The following WDR36 variants were observed in gnomAD, a reference collection of about 807,000 sequenced individuals.
The protein encoded by WDR36 is WD repeat domain 36.
WDR36 carries 63 observed loss-of-function variants against 112.7 expected under a neutral mutation model. That is an observed-to-expected ratio of 0.56 (90% CI 0.46 to 0.69). The LOEUF (loss-of-function observed/expected upper bound fraction) is 0.69. Among genes scored for constraint, WDR36 ranks in the 30% least tolerant of loss-of-function variants. The pLI is 0.00. For missense variants in WDR36, 1,226 were observed against 1,070.3 expected (o/e 1.15, Z -2.03); for synonymous variants, 410 against 362.2 (o/e 1.13, Z -1.50).
At position 111,098,609 on chromosome 5, in the gene WDR36, G is replaced by A. The variant is rs13153937; in HGVS notation, c.292-113G>A. ...TAACCTTGAATAATCAAAAGTTGGG[G>A]TACATTTCTTAACAGAAGCATCTCA... On this transcript the variant is annotated intron_variant, in intron 3 of 22. Coordinates refer to ENST00000513710, the MANE Select transcript of WDR36 (RefSeq NM_139281.3). The A allele has an allele frequency of 0.32, 247,840 of 765,734 alleles. 43,451 individuals carry two copies. The highest frequency in any genetic ancestry group is 0.5 in the Admixed American group (25,516 of 51,354). 47.4% of individuals were successfully genotyped at this position (765,734 alleles called of 1,614,324 possible).
intron 16 of WDR36, among the ~76,000 whole-genome samples, chr5:111,113,506 T>C (rs949569015): frequency 6.6e-6 from 1 of 152,124 alleles, no homozygotes; most frequent in African/African-American, 2.4e-5. Context: ...TTTTAGTTCA[T>C]GCTGAATTTA....
intron 12 of WDR36, among the ~76,000 whole-genome samples, chr5:111,109,972 A>T (rs1753293853): frequency 6.6e-6 from 1 of 151,472 alleles, no homozygotes; most frequent in African/African-American, 2.4e-5. Context: ...CTTAGATAGT[A>T]ATTCTTCATA....
chr5:111,104,908 T>C, intron 9 of WDR36, 91 bp downstream of exon 9: 1 of 1,575,420 alleles, frequency 6.3e-7, no homozygotes, highest in African/African-American at 1.3e-5. Context: ...CATACTTAGA[T>C]TCACATATCT....
intron 7 of WDR36, 113 bp from the exon 8 acceptor site, chr5:111,104,064 T>C: frequency 7.3e-7 from 1 of 1,378,110 alleles, no homozygotes; most frequent in Non-Finnish European, 1.0e-6. Context: ...GAATAGATTA[T>C]TGGTATATAG....
At chr5:111,118,910 T>C (rs1241222043) in intron 16 of WDR36, 103 bp from the exon 17 acceptor site, 2 of 882,728 alleles carry the variant, frequency 2.3e-6, no homozygotes, top group Admixed American at 3.7e-5. Flanking sequence ...AGAAAACATT[T>C]TCTGCATCTC....
At chr5:111,094,563 A>T (rs1340800532) in intron 1 of WDR36, among the ~76,000 whole-genome samples, 1 of 152,230 alleles carries the variant, frequency 6.6e-6, no homozygotes, top group Non-Finnish European at 1.5e-5. Context: ...ATCTATAGAT[A>T]AAAGTTTAAT....
chr5:111,120,645 T>C (rs952589973), intron 18 of WDR36, 52 bp downstream of exon 18: 6 of 1,455,984 alleles, frequency 4.1e-6, no homozygotes, highest in Non-Finnish European at 4.8e-6. Flanking sequence ...ATAAACCTAA[T>C]GTAGGAGATA....
chr5:111,120,678 G>A, intron 18 of WDR36, 85 bp downstream of exon 18: 1 of 1,107,866 alleles, frequency 9.0e-7, no homozygotes, highest in Middle Eastern at 2.0e-4. Context: ...GCAAAGTTTA[G>A]TGCATTCAAT....
At chr5:111,111,444 T>C (rs1753338971) in intron 15 of WDR36, 166 bp downstream of exon 15, 1 of 622,758 alleles carries the variant, frequency 1.6e-6, no homozygotes, top group Non-Finnish European at 2.8e-6. Flanking sequence ...GTTTAATATT[T>C]TTCAGGGAGT....
At chr5:111,105,197 A>G in intron 9 of WDR36, 98 bp from the exon 10 acceptor site, 1 of 1,300,980 alleles carries the variant, frequency 7.7e-7, no homozygotes. Flanking sequence ...CCAAACTGTA[A>G]CTTCAAGATT....
chr5:111,098,121 G>A (rs566785996), intron 3 of WDR36, among the ~76,000 whole-genome samples: 14 of 152,218 alleles, frequency 9.2e-5, no homozygotes, highest in South Asian at 2.1e-4. Context: ...GTGGGGAGGC[G>A]TCAGACACTG....
At chr5:111,109,216 A>G (rs981185096) in intron 12 of WDR36, among the ~76,000 whole-genome samples, 28 of 151,524 alleles carry the variant, frequency 1.8e-4, no homozygotes, top group Middle Eastern at 3.4e-3. Flanking sequence ...TTGTATAACT[A>G]TACAACATAG....
At chr5:111,092,757 G>T in intron 1 of WDR36, 139 bp downstream of exon 1, 2 of 1,156,318 alleles carry the variant, frequency 1.7e-6, no homozygotes, top group East Asian at 2.6e-5. Context: ...TTAATATTTC[G>T]CCATCCGGTC....
At chr5:111,096,676 C>G (rs1416238772) in intron 2 of WDR36, among the ~76,000 whole-genome samples, 2 of 151,762 alleles carry the variant, frequency 1.3e-5, no homozygotes, top group East Asian at 3.9e-4. Flanking sequence ...TGCACTCCAG[C>G]CTGAGTGACA....
rs1666817860 is a variant in WDR36 at position 111,092,561 on chromosome 5, G to T, written c.105G>T (p.Ala35=). 1 of 1,614,192 alleles carries T rather than the reference G, an allele frequency of 6.2e-7. No individual in the cohort carries two copies. Among genetic ancestry groups the T allele is most frequent in the Non-Finnish European group, 8.5e-7 (1 of 1,180,034 alleles). ...TTCCACACGTGGTGCGGTTCAGCGC[G>T]CTCAAGCGCCGGTTCTATGTAACAA... ...NDIPHVVRFS[A]LKRRFYVTTC... Residue 35 remains alanine (A), a synonymous_variant, in exon 1 of 23, where the codon GCG becomes GCT. Transcript: ENST00000513710.
Position 111,092,389 on chromosome 5 carries a change from C to G in WDR36, c.-68C>G, listed in dbSNP as rs141363311. On this transcript the variant is annotated 5_prime_UTR_variant, in exon 1 of 23. Coordinates refer to ENST00000513710, the MANE Select transcript of WDR36 (RefSeq NM_139281.3). ...TGGCAGAGGACTGTTCCACTAGACA[C>G]GCTGAAGGGACTGGGTACGTGTTTT... 3.7e-6 allele frequency: 6 copies of G among 1,614,222 alleles called. No individual in the cohort carries two copies. Among genetic ancestry groups the G allele is most frequent in the African/African-American group, 1.3e-5 (1 of 75,068 alleles).
chr5:111,095,913 A>C (rs1422175594), intron 2 of WDR36, among the ~76,000 whole-genome samples: 2 of 152,166 alleles, frequency 1.3e-5, no homozygotes, highest in Non-Finnish European at 2.9e-5. Flanking sequence ...TACTTGTTTT[A>C]CCATCAAATA....
rs558831384 is a variant in WDR36, at chr5:111,105,000, C to G, written c.1027+183C>G. ...AGCACTATAGATGTTATTATCTATG[C>G]TTAATGTGTCCTTCTATTTACTAAT... On this transcript the variant is annotated intron_variant, in intron 9 of 22. Coordinates refer to ENST00000513710, the MANE Select transcript of WDR36 (RefSeq NM_139281.3). Among the ~76,000 whole-genome samples, 8 of 151,632 alleles carry G rather than the reference C, an allele frequency of 5.3e-5. No homozygotes were observed. The South Asian group carries it at 6.2e-4, about 12-fold the overall frequency.
intron 18 of WDR36, 41 bp downstream of exon 18, chr5:111,120,634 T>G: frequency 6.6e-7 from 1 of 1,509,420 alleles, no homozygotes; most frequent in Non-Finnish European, 9.2e-7. Flanking sequence ...GGTGTAATAT[T>G]ATAAACCTAA....
Sources: gnomAD v4.1 joint callset for allele counts (sites outside exome capture counted in the v4.1 genomes callset) on GRCh38, gnomAD v4.1.1 for gene constraint, MANE v1.5 for transcripts, NCBI Gene and HGNC (gene_info 2026-07-23, HGNC 2026-07-21) for gene names.